CAMK2D: variants seen among roughly 807,000 people sequenced by gnomAD.
The protein encoded by CAMK2D is calcium/calmodulin dependent protein kinase II delta.
Under a neutral mutation model 84.0 loss-of-function variants are expected in CAMK2D, and 37 were observed. That is an observed-to-expected ratio of 0.44 (90% confidence interval 0.34 to 0.58). CAMK2D has a LOEUF of 0.58. Among genes scored for constraint, CAMK2D ranks in the 20% least tolerant of loss-of-function variants. The probability of loss-of-function intolerance (pLI) is 0.02; values close to 1 mark genes in which losing one functional copy is unlikely to be tolerated. For synonymous variants in CAMK2D, 202 were observed against 212.5 expected (o/e 0.95, Z 0.43); for missense variants, 448 against 652.5 (o/e 0.69, Z 3.41).
At chr4:113,481,929 G>A (rs187399980) in intron 16 of CAMK2D, among the ~76,000 whole-genome samples, 4 of 152,360 alleles carry the variant, frequency 2.6e-5, no homozygotes, top group Admixed American at 2.6e-4. Context: ...GTAAGTGCAA[G>A]GCCCTGTGGC....
At chr4:113,623,282 T>C (rs773286768) in intron 3 of CAMK2D, among the ~76,000 whole-genome samples, 3 of 152,154 alleles carry the variant, frequency 2.0e-5, no homozygotes, top group Non-Finnish European at 2.9e-5. Context: ...TAAAGTATTC[T>C]GTGATAAGTA....
chr4:113,677,315 G>T (rs967239328), intron 2 of CAMK2D, among the ~76,000 whole-genome samples: 4 of 151,938 alleles, frequency 2.6e-5, no homozygotes, highest in Admixed American at 2.6e-4. Flanking sequence ...AACAAAATAA[G>T]GCCCAAGACA....
rs72905997 is a variant in CAMK2D, at chr4:113,528,493, G to A, written c.601+2723C>T. The stretch of plus-strand genomic sequence containing the variant: ...AATAGGAAGGAAACTAGGAAAACAA[G>A]GAGAGATAAACACAAAGGCAGAAGA... On this transcript the variant is annotated intron_variant, in intron 8 of 20. Coordinates refer to ENST00000511664, the MANE Select transcript of CAMK2D (RefSeq NM_001321571.2). Among the ~76,000 whole-genome samples, 1,234 of 152,188 alleles carry A rather than the reference G, an allele frequency of 8.1e-3. 20 individuals are homozygous for A. The highest frequency in any genetic ancestry group is 0.028 in the African/African-American group (1,158 of 41,524).
At chr4:113,602,634 T>C (rs1173888630) in intron 4 of CAMK2D, among the ~76,000 whole-genome samples, 3 of 152,224 alleles carry the variant, frequency 2.0e-5, no homozygotes, top group Non-Finnish European at 4.4e-5. Flanking sequence ...TTGCTGTTCC[T>C]ATAGACTCAA....
intron 16 of CAMK2D, among the ~76,000 whole-genome samples, chr4:113,474,438 A>G (rs970736260): frequency 2.6e-5 from 4 of 151,964 alleles, no homozygotes; most frequent in Non-Finnish European, 5.9e-5. Context: ...AGACGTGGAA[A>G]AGAGACAATG....
intron 3 of CAMK2D, among the ~76,000 whole-genome samples, chr4:113,616,506 C>T (rs1204738055): frequency 1.3e-5 from 2 of 152,154 alleles, no homozygotes; most frequent in Admixed American, 6.5e-5. Context: ...AATTAGAAGC[C>T]TAGATAATCC....
chr4:113,638,484 C>A (rs940951118), intron 3 of CAMK2D, among the ~76,000 whole-genome samples: 2 of 152,166 alleles, frequency 1.3e-5, no homozygotes, highest in Admixed American at 1.3e-4. Flanking sequence ...GGTTAGATAC[C>A]TACGAGATGC....
intron 4 of CAMK2D, among the ~76,000 whole-genome samples, chr4:113,599,405 T>C (rs2098941977): frequency 6.6e-6 from 1 of 152,346 alleles, no homozygotes; most frequent in Non-Finnish European, 1.5e-5. Flanking sequence ...GCAGCTTTAT[T>C]CATAATTGCC....
intron 2 of CAMK2D, chr4:113,754,287 C>G (rs933027813): frequency 4.1e-5 from 40 of 975,484 alleles, no homozygotes; most frequent in Non-Finnish European, 4.7e-5. Flanking sequence ...AAAAAATATA[C>G]CAATCCAGCC....
chr4:113,455,681 A>T (rs1037601845), intron 20 of CAMK2D, 45 bp downstream of exon 20: 1 of 1,081,146 alleles, frequency 9.2e-7, no homozygotes, highest in Non-Finnish European at 1.4e-6. Flanking sequence ...GCAGCTTTTC[A>T]TTCAGCTCCA....
rs2099041680 is a variant in CAMK2D, at chr4:113,620,606, C to G, written c.221-11400G>C. Among the ~76,000 whole-genome samples, 2 of 151,436 alleles carry G rather than the reference C, an allele frequency of 1.3e-5. 1 individual carries two copies. Among genetic ancestry groups the G allele is most frequent in the South Asian group, 4.2e-4 (2 of 4,786 alleles). On this transcript the variant is annotated intron_variant, in intron 3 of 20. Coordinates refer to ENST00000511664, the MANE Select transcript of CAMK2D (RefSeq NM_001321571.2). ...CACTGCAACCTCCGCCTCCCAGGTT[C>G]AAGCAATTCTCCTGCCTCAGCCTCC...
intron 5 of CAMK2D, among the ~76,000 whole-genome samples, chr4:113,549,617 C>A (rs1215107179): frequency 6.6e-6 from 1 of 152,166 alleles, no homozygotes; most frequent in African/African-American, 2.4e-5. Context: ...TATAATAATG[C>A]AGAACACATC....
At chr4:113,485,323 T>G (rs903917012) in intron 16 of CAMK2D, among the ~76,000 whole-genome samples, 1 of 152,228 alleles carries the variant, frequency 6.6e-6, no homozygotes, top group Non-Finnish European at 1.5e-5. Flanking sequence ...TTGTTGCCTC[T>G]GAATATCCAG....
chr4:113,589,835 G>C (rs1404476194), intron 4 of CAMK2D, among the ~76,000 whole-genome samples: 1 of 152,096 alleles, frequency 6.6e-6, no homozygotes, highest in Non-Finnish European at 1.5e-5. Context: ...AGATTCTTAA[G>C]AAGCAAGTAT....
rs17630766 is a variant in CAMK2D at position 113,639,387 on chromosome 4, T to G, written c.220+22326A>C. Among the ~76,000 whole-genome samples, 4 of 151,856 alleles carry G rather than the reference T, an allele frequency of 2.6e-5. No individual in the cohort carries two copies. In the East Asian group the frequency reaches 7.7e-4, roughly 29 times the overall value. On this transcript the variant is annotated intron_variant, in intron 3 of 20. Coordinates refer to ENST00000511664, the MANE Select transcript of CAMK2D (RefSeq NM_001321571.2). ...TTTGCTAGGCCCTGAAGATAAAAAGTGAATGAGGTCCCTAAGGCCAAATGG... is the reference window on the plus strand; with the variant it reads ...TTTGCTAGGCCCTGAAGATAAAAAGGGAATGAGGTCCCTAAGGCCAAATGG...
intron 3 of CAMK2D, among the ~76,000 whole-genome samples, chr4:113,640,022 G>A (rs1251203153): frequency 6.6e-6 from 1 of 151,940 alleles, no homozygotes; most frequent in African/African-American, 2.4e-5. Context: ...AGGGAGAACT[G>A]CTAAGTGCTT....
chr4:113,711,445 T>A (rs954633238), intron 2 of CAMK2D, among the ~76,000 whole-genome samples: 4 of 152,126 alleles, frequency 2.6e-5, no homozygotes, highest in African/African-American at 9.7e-5. Context: ...CTAAAATATC[T>A]ATTTGTATAG....
chr4:113,615,032 T>C (rs2099015711), intron 3 of CAMK2D, among the ~76,000 whole-genome samples: 1 of 152,188 alleles, frequency 6.6e-6, no homozygotes, highest in Non-Finnish European at 1.5e-5. Flanking sequence ...TGGTTATTAA[T>C]GAGGCAGAAT....
chr4:113,551,977 A>G (rs2098632569), intron 5 of CAMK2D, 54 bp downstream of exon 5: 1 of 811,184 alleles, frequency 1.2e-6, no homozygotes, highest in Admixed American at 2.3e-5. Flanking sequence ...AATATGCTGA[A>G]AAAGTATTAT....
Sources: gnomAD v4.1 joint callset for allele counts (sites outside exome capture counted in the v4.1 genomes callset) on GRCh38, gnomAD v4.1.1 for gene constraint, MANE v1.5 for transcripts, NCBI Gene and HGNC (gene_info 2026-07-23, HGNC 2026-07-21) for gene names.